The following SYNE2 variants were observed in gnomAD, a reference collection of about 807,000 sequenced individuals.
SYNE2 encodes the protein spectrin repeat containing nuclear envelope protein 2.
In SYNE2, 431 loss-of-function variants were observed where a neutral mutation model predicts 856.3. That is an observed-to-expected ratio of 0.50 (90% CI 0.47 to 0.55). The LOEUF is 0.55. Ranked by LOEUF, SYNE2 falls within the 20% of genes least tolerant of loss-of-function variation. The pLI, the probability that SYNE2 is intolerant of heterozygous loss-of-function variation, is 0.00. For synonymous variants in SYNE2, 2,923 were observed against 2,872.3 expected, an observed-to-expected ratio of 1.02 and a Z score of -0.56; for missense variants, 8,129 against 8,023.2, an observed-to-expected ratio of 1.01 and a Z score of -0.50.
At chr14:64,163,895 G>A (rs1406153574) in intron 89 of SYNE2, among the ~76,000 whole-genome samples, 1 of 152,070 alleles carries the variant, frequency 6.6e-6, no homozygotes, top group Non-Finnish European at 1.5e-5. Context: ...AAAGCATGAT[G>A]ATTTGTCATA....
chr14:64,104,155 G>A (rs1248972000), intron 64 of SYNE2, among the ~76,000 whole-genome samples: 1 of 151,944 alleles, frequency 6.6e-6, no homozygotes, highest in Non-Finnish European at 1.5e-5. Flanking sequence ...CTACTCCCTC[G>A]GCCCCTTTTG....
chr14:64,027,665 A>G lies in SYNE2; in HGVS notation c.6586A>G (p.Thr2196Ala). 3 of 1,614,168 alleles carry G rather than the reference A, an allele frequency of 1.9e-6. No homozygotes were observed. The highest frequency in any genetic ancestry group is 2.5e-6 in the Non-Finnish European group (3 of 1,180,016). The change falls in exon 43 of 116, where the codon ACA becomes GCA. Residue 2196 changes from threonine to alanine, a missense_variant. Around this residue, in one of 3 missense-constraint regions of SYNE2, gnomAD observed 297 missense variants for 380.9 expected, o/e 0.78. Coordinates refer to ENST00000555002, the MANE Select transcript of SYNE2 (RefSeq NM_182914.3). ...ATTCCTCAAGAAAGCCCAAGATTTGACATCCTTGCTAAAGGAGTTAAAATC... is the reference window on the plus strand; with the variant it reads ...ATTCCTCAAGAAAGCCCAAGATTTGGCATCCTTGCTAAAGGAGTTAAAATC... Reference protein sequence around the residue: ...KKFLKKAQDLTSLLKELKSQG... With the variant: ...KKFLKKAQDLASLLKELKSQG...
At chr14:63,938,282 C>T (rs2095857564) in intron 2 of SYNE2, among the ~76,000 whole-genome samples, 3 of 151,918 alleles carry the variant, frequency 2.0e-5, no homozygotes, top group African/African-American at 7.3e-5. Flanking sequence ...GTGGTGACAC[C>T]CATCTCTACA....
chr14:64,014,932 TATATATATATA>T (rs2096876799), intron 32 of SYNE2, among the ~76,000 whole-genome samples: 1 of 1,058 alleles, frequency 9.5e-4, no homozygotes. Flanking sequence ...TAATTCCTTA[TATATATATATA>T]TATATATATA....
At chr14:64,116,412 G>T (rs1370478535) in intron 66 of SYNE2, among the ~76,000 whole-genome samples, 1 of 152,110 alleles carries the variant, frequency 6.6e-6, no homozygotes, top group Non-Finnish European at 1.5e-5. Context: ...TCTTCTTTGA[G>T]TTAAAAGTAC....
At chr14:63,766,081 A>ATT (rs543776173) in intron 1 of SYNE2, among the ~76,000 whole-genome samples, 5 of 138,578 alleles carry the variant, frequency 3.6e-5, no homozygotes, top group African/African-American at 1.1e-4. Context: ...TCTTGAGTGG[A>ATT]TTTTTTTTTT....
intron 1 of SYNE2, among the ~76,000 whole-genome samples, chr14:63,859,115 C>T (rs925748143): frequency 6.6e-6 from 1 of 151,902 alleles, no homozygotes; most frequent in Admixed American, 6.6e-5. Context: ...TTGTTCCCAG[C>T]CATCTACTGG....
intron 107 of SYNE2, chr14:64,215,947 C>T: frequency 7.5e-7 from 1 of 1,333,436 alleles, no homozygotes; most frequent in Non-Finnish European, 9.7e-7. Context: ...CATCTTGGTC[C>T]CCAGACCCGG....
At chr14:64,158,860 G>A in intron 86 of SYNE2, 65 bp downstream of exon 86, 1 of 1,546,086 alleles carries the variant, frequency 6.5e-7, no homozygotes, top group Admixed American at 1.7e-5. Context: ...AGGAAGCACA[G>A]TAACGGGCAT....
At chr14:63,765,415 C>T (rs530131202) in intron 1 of SYNE2, among the ~76,000 whole-genome samples, 15 of 152,114 alleles carry the variant, frequency 9.9e-5, no homozygotes, top group African/African-American at 3.4e-4. Flanking sequence ...TGCAGTGGTG[C>T]GATCTCGGCT....
At chr14:64,118,626 G>C (rs1259035997) in intron 66 of SYNE2, among the ~76,000 whole-genome samples, 1 of 152,118 alleles carries the variant, frequency 6.6e-6, no homozygotes, top group Non-Finnish European at 1.5e-5. Flanking sequence ...ACTTTGGGAG[G>C]CCTAGGTGGG....
chr14:63,895,397 C>G (rs1039400995), intron 1 of SYNE2, among the ~76,000 whole-genome samples: 1 of 151,726 alleles, frequency 6.6e-6, no homozygotes, highest in Non-Finnish European at 1.5e-5. Flanking sequence ...GCGTGAGCCA[C>G]TGCACCTGGC....
At chr14:64,054,717 T>C (rs1220596606) in intron 48 of SYNE2, among the ~76,000 whole-genome samples, 1 of 152,230 alleles carries the variant, frequency 6.6e-6, no homozygotes, top group Non-Finnish European at 1.5e-5. Flanking sequence ...CTCCCTTCCC[T>C]TCCTTTTGGT....
In SYNE2 at chr14:64,052,946, C is replaced by A. The variant is rs1473645607; in HGVS notation, c.9033C>A (p.Asn3011Lys). The A allele has an allele frequency of 6.2e-7, 1 of 1,610,980 alleles. No individual in the cohort carries two copies. The change falls in exon 48 of 116, where the codon AAC (asparagine) becomes AAA (lysine). Residue 3011 changes from asparagine to lysine, a missense_variant. Asn to Lys is a moderately conservative substitution (Grantham distance 94, BLOSUM62 0). Coordinates refer to ENST00000555002, the MANE Select transcript of SYNE2 (RefSeq NM_182914.3). The part of the protein sequence containing the change: ...LKKVFDYIGL[N>K]WDFSQLDQLQ... The stretch of plus-strand genomic sequence containing the variant: ...AAGTGTTTGACTATATTGGACTAAA[C>A]TGGGATTTTTCACAACTTGACCAAT...
At chr14:63,840,454 C>T (rs1890024665) in intron 1 of SYNE2, among the ~76,000 whole-genome samples, 1 of 26,370 alleles carries the variant, frequency 3.8e-5, no homozygotes, top group African/African-American at 7.5e-5. Flanking sequence ...TTCCTTCCTC[C>T]CTCCCTCCCT....
chr14:64,170,679 G>T (rs542134334), intron 94 of SYNE2, among the ~76,000 whole-genome samples: 1 of 152,096 alleles, frequency 6.6e-6, no homozygotes, highest in Non-Finnish European at 1.5e-5. Flanking sequence ...AAATACTAGG[G>T]TTCTCTTGGG....
In SYNE2 at chr14:63,847,183, G is replaced by A. The variant is rs537770838; in HGVS notation, c.-304-5318G>A. Among the ~76,000 whole-genome samples, 41 of 151,360 alleles carry A rather than the reference G, an allele frequency of 2.7e-4. No individual in the cohort carries two copies. The South Asian group carries it at 8.4e-3, about 31-fold the overall frequency. On this transcript the variant is annotated intron_variant, in intron 1 of 23. Coordinates refer to the SYNE2 transcript ENST00000674003. Reference sequence around the variant, plus strand: ...AAATGAGCCTGATGATGTGGCTCACGCCTATAGTACCAGTACTTTGAGAGG... The same window carrying A: ...AAATGAGCCTGATGATGTGGCTCACACCTATAGTACCAGTACTTTGAGAGG...
chr14:64,074,683 G>A (rs774621318), intron 53 of SYNE2, among the ~76,000 whole-genome samples: 1 of 152,136 alleles, frequency 6.6e-6, no homozygotes, highest in South Asian at 2.1e-4. Flanking sequence ...ATCACTTGGG[G>A]TCAGGAGGTC....
chr14:63,796,832 C>T (rs1566571740), intron 1 of SYNE2, among the ~76,000 whole-genome samples: 1 of 151,896 alleles, frequency 6.6e-6, no homozygotes, highest in Non-Finnish European at 1.5e-5. Context: ...AAGAAATAGG[C>T]ACTTTGGGAG....
Sources: allele counts gnomAD v4.1 joint callset (sites outside exome capture counted in the v4.1 genomes callset), GRCh38; gene constraint gnomAD v4.1.1; regional missense constraint gnomAD v4.1.1; transcripts MANE v1.5; gene names NCBI Gene and HGNC (gene_info 2026-07-23, HGNC 2026-07-21).